The following EPS15 variants were observed in gnomAD, a reference collection of about 807,000 sequenced individuals.
The protein encoded by EPS15 is epidermal growth factor receptor substrate 15.
EPS15 carries 72 observed loss-of-function variants against 113.8 expected under a neutral mutation model. That is an observed-to-expected ratio of 0.63 (90% CI 0.52 to 0.77). The LOEUF is 0.77. Among genes scored for constraint, EPS15 ranks in the 30% least tolerant of loss-of-function variants. The pLI is 0.00. For missense variants in EPS15, 1,048 were observed against 1,045.8 expected (o/e 1.00, Z -0.03); for synonymous variants, 344 against 363.4 (o/e 0.95, Z 0.61).
intron 1 of EPS15, among the ~76,000 whole-genome samples, chr1:51,482,270 G>C (rs1369643998): frequency 6.6e-6 from 1 of 152,164 alleles, no homozygotes; most frequent in East Asian, 1.9e-4. Flanking sequence ...TTCATGGGGT[G>C]ACATCAGAGC....
At chr1:51,378,792 A>G (rs901844683) in intron 21 of EPS15, among the ~76,000 whole-genome samples, 1 of 152,204 alleles carries the variant, frequency 6.6e-6, no homozygotes, top group African/African-American at 2.4e-5. Context: ...GTGGAAGGTA[A>G]TATGAAATTC....
chr1:51,479,004 G>A (rs941442270), intron 2 of EPS15, among the ~76,000 whole-genome samples: 1 of 152,168 alleles, frequency 6.6e-6, no homozygotes, highest in Admixed American at 6.5e-5. Flanking sequence ...ATGTTGGCCT[G>A]CCTTGCTAGG....
intron 15 of EPS15, among the ~76,000 whole-genome samples, chr1:51,407,150 A>G (rs188765064): frequency 6.6e-6 from 1 of 152,306 alleles, no homozygotes; most frequent in African/African-American, 2.4e-5. Context: ...GTTCAAATTC[A>G]TAATGAAAGA....
chr1:51,465,324 A>C lies in EPS15; in HGVS notation c.312T>G (p.His104Gln). The change falls in exon 6 of 25, where the codon CAT becomes CAG. Residue 104 changes from histidine (H) to glutamine (Q), a missense_variant and splice_region_variant. Transcript: ENST00000371733. ...TGATTAGCAAAGGACTACTGGTATCATGCTATAGAAGAAAGTAAAGCACAA... is the reference window on the plus strand; with the variant it reads ...TGATTAGCAAAGGACTACTGGTATCCTGCTATAGAAGAAAGTAAAGCACAA... ...LNLAVPPPRF[H>Q]DTSSPLLISG... 6.2e-7 allele frequency: 1 copy of C among 1,605,634 alleles called. No individual in the cohort carries two copies. Among genetic ancestry groups the C allele is most frequent in the Non-Finnish European group, 8.5e-7 (1 of 1,173,532 alleles).
chr1:51,385,788 A>G (rs566715394), intron 21 of EPS15, among the ~76,000 whole-genome samples: 2 of 152,338 alleles, frequency 1.3e-5, no homozygotes, highest in South Asian at 2.1e-4. Context: ...GGTAAATGAA[A>G]TAAGTCAATC....
chr1:51,403,332 T>C (rs74898383), intron 17 of EPS15, 87 bp downstream of exon 17: 14,592 of 693,850 alleles, frequency 0.021, 177 homozygotes, highest in Non-Finnish European at 0.023. Flanking sequence ...ATGTATATTG[T>C]ACCCATTAAG....
At chr1:51,473,119 A>C (rs1223238362) in intron 2 of EPS15, among the ~76,000 whole-genome samples, 171 bp from the exon 3 acceptor site, 2 of 152,208 alleles carry the variant, frequency 1.3e-5, no homozygotes, top group African/African-American at 2.4e-5. Context: ...GAGTAGTACT[A>C]TCTAGACAGC....
intron 12 of EPS15, among the ~76,000 whole-genome samples, chr1:51,434,142 T>C (rs533581175): frequency 1.3e-5 from 2 of 152,356 alleles, no homozygotes; most frequent in East Asian, 3.9e-4. Flanking sequence ...AGGAAATCCT[T>C]GACACAAAAA....
At chr1:51,488,899 C>A (rs538211924) in intron 1 of EPS15, among the ~76,000 whole-genome samples, 2 of 152,164 alleles carry the variant, frequency 1.3e-5, no homozygotes. Flanking sequence ...AAAGGAAATG[C>A]CTTCTGACTC....
rs1301763338 is a variant in EPS15 at position 51,358,312 on chromosome 1, T to C, written c.2545-1466A>G. ...AAAATAAAAATAAAACAAAAAGCAT[T>C]ATGAAGATTTCTCCAGGCTTTGGGA... On this transcript the variant is annotated intron_variant, in intron 24 of 24. Coordinates refer to ENST00000371733, the MANE Select transcript of EPS15 (RefSeq NM_001981.3). Among the ~76,000 whole-genome samples, 7 of 152,112 alleles carry C rather than the reference T, an allele frequency of 4.6e-5. No homozygotes were observed. The East Asian group carries it at 1.3e-3, about 29-fold the overall frequency.
Position 51,403,464 on chromosome 1 carries a change from A to C in EPS15, c.1746T>G (p.Thr582=), listed in dbSNP as rs1192965660. ...TGTCGAGTTCAGAACAAACTTTTTC[A>C]GTAACAGCTGTAGTCACCTCATTTT... The part of the protein sequence containing the change: ...TDENEVTTAV[T]EKVCSELDNN... The change falls in exon 17 of 25, where the codon ACT becomes ACG. Residue 582 remains threonine (T), a synonymous_variant. Coordinates refer to ENST00000371733, the MANE Select transcript of EPS15 (RefSeq NM_001981.3). The C allele has an allele frequency of 6.2e-7, 1 of 1,611,842 alleles. No homozygotes were observed. Among genetic ancestry groups the C allele is most frequent in the East Asian group, 2.2e-5 (1 of 44,820 alleles).
intron 1 of EPS15, among the ~76,000 whole-genome samples, chr1:51,491,867 T>C (rs1019005193): frequency 2.7e-5 from 4 of 150,504 alleles, no homozygotes; most frequent in African/African-American, 9.8e-5. Context: ...TAATTTTTTT[T>C]TTTTTTTTTT....
At chr1:51,399,447 G>C (rs1648296217) in intron 19 of EPS15, among the ~76,000 whole-genome samples, 1 of 152,118 alleles carries the variant, frequency 6.6e-6, no homozygotes, top group Non-Finnish European at 1.5e-5. Flanking sequence ...AGCTACTCGG[G>C]AGGCTGAGGT....
chr1:51,386,384 A>G (rs1647073840), intron 21 of EPS15, among the ~76,000 whole-genome samples: 1 of 152,248 alleles, frequency 6.6e-6, no homozygotes, highest in Non-Finnish European at 1.5e-5. Flanking sequence ...TGTAAATGTC[A>G]GACAGAGTGG....
At chr1:51,517,014 T>A (rs565947902) in intron 1 of EPS15, among the ~76,000 whole-genome samples, 1 of 152,262 alleles carries the variant, frequency 6.6e-6, no homozygotes, top group African/African-American at 2.4e-5. Context: ...GTAATGAATG[T>A]GAAACCAGGC....
intron 14 of EPS15, among the ~76,000 whole-genome samples, chr1:51,408,981 G>C (rs749351222): frequency 6.6e-5 from 10 of 152,042 alleles, no homozygotes; most frequent in African/African-American, 9.7e-5. Flanking sequence ...TGTATTTTTA[G>C]TAGAGACGGG....
rs751821995 is a variant in EPS15, at chr1:51,363,952, T to C, written c.2273A>G (p.Glu758Gly). The C allele has an allele frequency of 6.2e-7, 1 of 1,613,888 alleles. No individual in the cohort carries two copies. Among genetic ancestry groups the C allele is most frequent in the Non-Finnish European group, 8.5e-7 (1 of 1,179,888 alleles). Residue 758 changes from glutamate to glycine, a missense_variant, in exon 23 of 25, where the codon GAG becomes GGG. Physicochemically the swap from Glu to Gly is moderately conservative, Grantham distance 98. Transcript: ENST00000371733. ...ATCTTCACTTTTGACCGATGTTTCCTCAAATACATTTTTTGTAATCACTAC... is the reference window on the plus strand; with the variant it reads ...ATCTTCACTTTTGACCGATGTTTCCCCAAATACATTTTTTGTAATCACTAC... ...SNVVITKNVF[E>G]ETSVKSEDEP...
Position 51,475,032 on chromosome 1 carries a change from T to C in EPS15, c.76-2084A>G, listed in dbSNP as rs533924684. Among the ~76,000 whole-genome samples the C allele has an allele frequency of 2.3e-4, 35 of 152,316 alleles. 1 individual carries two copies. In the South Asian group the frequency reaches 3.9e-3, roughly 17 times the overall value. On this transcript the variant is annotated intron_variant, in intron 2 of 24. Coordinates refer to ENST00000371733, the MANE Select transcript of EPS15 (RefSeq NM_001981.3). ...GAACTCATCCTTCTTTATGGCTGCA[T>C]AGTATTCCATGTTGTATAAGTGCCA...
chr1:51,447,063 A>G lies in EPS15; in HGVS notation c.694T>C (p.Phe232Leu), dbSNP rs1323063057. ...PAEKAKYDEI[F>L]LKTDKDMDGF... Reference sequence around the variant, plus strand: ...TCCATATCTTTATCAGTTTTCAGGAAGATTTCATCATATTTAGCTTTTTCT... The same window carrying G: ...TCCATATCTTTATCAGTTTTCAGGAGGATTTCATCATATTTAGCTTTTTCT... Residue 232 changes from phenylalanine (F) to leucine (L), a missense_variant, in exon 10 of 25, where the codon TTC becomes CTC. Phe to Leu is a conservative substitution (Grantham distance 22, BLOSUM62 0). Transcript: ENST00000371733. 6.2e-7 allele frequency: 1 copy of G among 1,613,696 alleles called. No homozygotes were observed. The highest frequency in any genetic ancestry group is 1.7e-5 in the Admixed American group (1 of 59,974).
Sources: gnomAD v4.1 joint callset for allele counts (sites outside exome capture counted in the v4.1 genomes callset) on GRCh38, gnomAD v4.1.1 for gene constraint, MANE v1.5 for transcripts, NCBI Gene and HGNC (gene_info 2026-07-23, HGNC 2026-07-21) for gene names.